The following CD59 variants were observed in gnomAD, a reference collection of about 807,000 sequenced individuals.
CD59 encodes the protein CD59 glycoprotein.
A neutral mutation model predicts 7.0 loss-of-function variants in CD59; 3 were observed. That is an observed-to-expected ratio of 0.43 (90% confidence interval 0.19 to 1.10). CD59 has a LOEUF of 1.10. Among genes scored for constraint, CD59 ranks in the 50% least tolerant of loss-of-function variants. The pLI, the probability that CD59 is intolerant of heterozygous loss-of-function variation, is 0.29. For missense variants in CD59, 143 were observed against 151.0 expected (o/e 0.95, Z 0.28); for synonymous variants, 60 against 62.0 (o/e 0.97, Z 0.15).
intron 1 of CD59, among the ~76,000 whole-genome samples, chr11:33,730,553 TGCC>T (rs1204218883): frequency 7.9e-5 from 12 of 152,256 alleles, no homozygotes; most frequent in African/African-American, 2.9e-4. Context: ...CTGTTAATAA[TGCC>T]ATAGCCACCT....
chr11:33,718,518 A>G (rs1487885764), intron 2 of CD59: 1 of 152,172 alleles, frequency 6.6e-6, no homozygotes, highest in Non-Finnish European at 1.5e-5. Context: ...TCCTGTACAG[A>G]AAAAGTTTGG....
intron 2 of CD59, chr11:33,717,880 C>T (rs1033181693): frequency 1.6e-5 from 4 of 248,850 alleles, no homozygotes; most frequent in Admixed American, 1.0e-4. Flanking sequence ...CTGGCAATAC[C>T]TATCTGCGTG....
chr11:33,732,334 T>G (rs576620823), intron 1 of CD59, among the ~76,000 whole-genome samples: 25 of 152,302 alleles, frequency 1.6e-4, no homozygotes, highest in African/African-American at 5.8e-4. Context: ...TGCTGTCTTG[T>G]GGCAGAGCTT....
At chr11:33,723,421 A>T (rs1045524843) in intron 1 of CD59, among the ~76,000 whole-genome samples, 3 of 152,172 alleles carry the variant, frequency 2.0e-5, no homozygotes, top group Admixed American at 6.6e-5. Context: ...GCTACTTAGG[A>T]ATTTGCTGAC....
intron 1 of CD59, among the ~76,000 whole-genome samples, chr11:33,727,099 A>T (rs1480495198): frequency 6.6e-6 from 1 of 152,210 alleles, no homozygotes; most frequent in South Asian, 2.1e-4. Flanking sequence ...AGAGGTACAA[A>T]GAGGAGCTGG....
chr11:33,711,543 G>T (rs556603271), intron 3 of CD59: 13 of 620,046 alleles, frequency 2.1e-5, no homozygotes, highest in African/African-American at 1.5e-4. Context: ...GCCAGGCAGG[G>T]TGTTGCGCCT....
At chr11:33,726,494 G>A (rs2133566337) in intron 1 of CD59, among the ~76,000 whole-genome samples, 1 of 152,244 alleles carries the variant, frequency 6.6e-6, no homozygotes, top group Middle Eastern at 3.4e-3. Context: ...ACAAAGACAC[G>A]ACGTACCAGA....
rs1203466070 is a variant in CD59, at chr11:33,717,362, G to C, written c.169+8C>G. 2 of 1,578,906 alleles carry C rather than the reference G, an allele frequency of 1.3e-6. No individual in the cohort carries two copies. The highest frequency in any genetic ancestry group is 2.2e-5 in the South Asian group (2 of 90,232). ...TACATTTAGGAGACAGACAGGGGAG[G>C]CTCTTACCAGCTTTGGTAATGAGAC... is the stretch of plus-strand genomic sequence containing the variant. On this transcript the variant is annotated splice_region_variant and intron_variant, in intron 3 of 3. Coordinates refer to ENST00000642928, the MANE Select transcript of CD59 (RefSeq NM_000611.6).
chr11:33,726,793 GGAAA>G (rs1243091484), intron 1 of CD59, among the ~76,000 whole-genome samples: 1 of 151,894 alleles, frequency 6.6e-6, no homozygotes, highest in East Asian at 1.9e-4. Context: ...TAATAAAGAA[GGAAA>G]GAGAGAAGAA....
intron 1 of CD59, among the ~76,000 whole-genome samples, chr11:33,726,723 A>G (rs1007687868): frequency 1.2e-4 from 19 of 152,228 alleles, no homozygotes; most frequent in African/African-American, 4.6e-4. Flanking sequence ...CCTTCAAAAA[A>G]TCAATGAATC....
At chr11:33,726,095 C>T (rs831623) in intron 1 of CD59, among the ~76,000 whole-genome samples, 5,824 of 152,180 alleles carry the variant, frequency 0.038, 241 homozygotes, top group East Asian at 0.18. Flanking sequence ...GACTTTAACA[C>T]CCCACTGTCA....
In CD59 at chr11:33,736,035, T is replaced by C. The variant is rs1417951248; in HGVS notation, c.-19+347A>G. Among the ~76,000 whole-genome samples, 1 of 152,126 alleles carries C rather than the reference T, an allele frequency of 6.6e-6. No individual in the cohort carries two copies. The highest frequency in any genetic ancestry group is 1.5e-5 in the Non-Finnish European group (1 of 68,018). The stretch of plus-strand genomic sequence containing the variant: ...CTGGCCTTTCCCCCGGCGCAGTTTC[T>C]CTGGACCGCTAGAGCTTCCCTTGAG... On this transcript the variant is annotated intron_variant, in intron 1 of 3. Coordinates refer to ENST00000642928, the MANE Select transcript of CD59 (RefSeq NM_000611.6). The surrounding 1 kb of genome is among the most constrained non-coding windows in gnomAD (Gnocchi z 4.4).
intron 2 of CD59, among the ~76,000 whole-genome samples, chr11:33,720,203 T>C (rs928045122): frequency 6.6e-6 from 1 of 152,242 alleles, no homozygotes; most frequent in African/African-American, 2.4e-5. Flanking sequence ...CTCAATTATC[T>C]TCATCCCCAC....
intron 1 of CD59, among the ~76,000 whole-genome samples, chr11:33,728,335 G>A (rs1349499631): frequency 6.6e-6 from 1 of 152,100 alleles, no homozygotes; most frequent in African/African-American, 2.4e-5. Context: ...ATAGACCAAT[G>A]GAACAGAACA....
chr11:33,724,889 C>G (rs576760166), intron 1 of CD59, among the ~76,000 whole-genome samples: 19 of 151,852 alleles, frequency 1.3e-4, no homozygotes, highest in African/African-American at 4.4e-4. Context: ...TCGGGCTGTT[C>G]CATCAAAATA....
At position 33,717,423 on chromosome 11, in the gene CD59, T is replaced by C. The variant is rs1466394187; in HGVS notation, c.116A>G (p.Lys39Arg). 1 of 1,613,834 alleles carries C rather than the reference T, an allele frequency of 6.2e-7. No individual in the cohort carries two copies. The highest frequency in any genetic ancestry group is 8.5e-7 in the Non-Finnish European group (1 of 1,179,836). ...ATCAGATGAACAATTGACGGCTGTT[T>C]TGCAGTCAGCAGTTGGGTTAGGACA... Reference protein sequence around the residue: ...YNCPNPTADCKTAVNCSSDFD... With the variant: ...YNCPNPTADCRTAVNCSSDFD... Residue 39 changes from lysine (K) to arginine (R), a missense_variant, in exon 3 of 4, where the codon AAA becomes AGA. Lys to Arg is a conservative substitution (Grantham distance 26). Transcript: ENST00000642928.
At chr11:33,732,978 C>T (rs1854461926) in intron 1 of CD59, among the ~76,000 whole-genome samples, 1 of 152,122 alleles carries the variant, frequency 6.6e-6, no homozygotes, top group Non-Finnish European at 1.5e-5. Flanking sequence ...TCATGACCGA[C>T]AACAGAAAAA....
intron 1 of CD59, among the ~76,000 whole-genome samples, chr11:33,724,339 T>G (rs1301222146): frequency 6.6e-6 from 1 of 152,186 alleles, no homozygotes; most frequent in African/African-American, 2.4e-5. Context: ...AGAAGTGGCC[T>G]GCTAAGAAAG....
chr11:33,717,406 A>G lies in CD59; in HGVS notation c.133T>C (p.Ser45Pro), dbSNP rs767238039. ...TADCKTAVNC[S>P]SDFDACLITK... ...ATGAGACACGCATCAAAATCAGATG[A>G]ACAATTGACGGCTGTTTTGCAGTCA... Residue 45 changes from serine to proline, a missense_variant, in exon 3 of 4, where the codon TCA (serine) becomes CCA (proline). By Grantham distance (74) the Ser-to-Pro change is moderately conservative. Transcript: ENST00000642928. The G allele has an allele frequency of 1.2e-6, 2 of 1,613,730 alleles. No homozygotes were observed. The highest frequency in any genetic ancestry group is 1.7e-6 in the Non-Finnish European group (2 of 1,179,650).
Sources: allele counts gnomAD v4.1 joint callset (sites outside exome capture counted in the v4.1 genomes callset), GRCh38; gene constraint gnomAD v4.1.1; non-coding constraint Gnocchi (gnomAD v3.1); transcripts MANE v1.5; gene names NCBI Gene and HGNC (gene_info 2026-07-23, HGNC 2026-07-21).